Variants in MRTFB observed in about 807,000 individuals in gnomAD.
MRTFB encodes the protein myocardin related transcription factor B.
MRTFB carries 29 observed loss-of-function variants against 104.2 expected under a neutral mutation model. The ratio of observed to expected loss-of-function variants is 0.28; its 90% CI spans 0.21 to 0.38. The LOEUF (loss-of-function observed/expected upper bound fraction) is 0.38, where lower values mean the gene tolerates loss of function less well. Among genes scored for constraint, MRTFB ranks in the 10% least tolerant of loss-of-function variants. The pLI, the probability that MRTFB is intolerant of heterozygous loss-of-function variation, is 1.00. For missense variants in MRTFB, 1,270 were observed against 1,341.6 expected, an observed-to-expected ratio of 0.95 and a Z score of 0.83; for synonymous variants, 535 against 519.5, an observed-to-expected ratio of 1.03 and a Z score of -0.41.
At chr16:14,004,573 T>C in the MRTFB span, among the ~76,000 whole-genome samples, 1 of 152,112 alleles carries the variant, frequency 6.6e-6, no homozygotes, top group African/African-American at 2.4e-5. Context: ...CGGGGCCCCA[T>C]GGGGCTCTGT....
intron 3 of MRTFB, among the ~76,000 whole-genome samples, chr16:14,206,716 A>G (rs1007425395): frequency 1.3e-5 from 2 of 151,798 alleles, no homozygotes; most frequent in Admixed American, 6.6e-5. Context: ...TAGTTTTTAT[A>G]TTTTCAGTGG....
chr16:14,168,111 C>G (rs187331618), intron 3 of MRTFB, among the ~76,000 whole-genome samples: 1 of 151,958 alleles, frequency 6.6e-6, no homozygotes, highest in Admixed American at 6.6e-5. Flanking sequence ...TCATTGTTTG[C>G]TTTTTATCAG....
At chr16:14,112,561 C>G (rs918528645) in intron 2 of MRTFB, among the ~76,000 whole-genome samples, 1 of 152,230 alleles carries the variant, frequency 6.6e-6, no homozygotes, top group African/African-American at 2.4e-5. Context: ...AGGTGAGAGC[C>G]AGGTTTCCCT....
the MRTFB span, among the ~76,000 whole-genome samples, chr16:14,026,711 T>C: frequency 6.6e-6 from 1 of 151,980 alleles, no homozygotes. Context: ...TGGTTGAAAA[T>C]AAGAAATCCA....
the MRTFB span, among the ~76,000 whole-genome samples, chr16:14,016,638 C>T: frequency 1.3e-5 from 2 of 151,678 alleles, no homozygotes; most frequent in East Asian, 1.9e-4. Context: ...CCAGGAGTGG[C>T]GGCGCATGCC....
At position 14,247,016 on chromosome 16, in the gene MRTFB, A is replaced by G; in HGVS notation, c.1756A>G (p.Arg586Gly). Residue 586 changes from arginine to glycine, a missense_variant, in exon 12 of 17, where the codon AGG becomes GGG. This residue lies in a region of MRTFB where 1,144 missense variants were observed against 1,131.5 expected (regional missense o/e 1.01). Coordinates refer to ENST00000571589, the MANE Select transcript of MRTFB (RefSeq NM_001308142.2). ...AGAGAAGCAAATCGAAGAGCTGAAG[A>G]GGAAACTGGAACAAGAGCAGAAGCT... Reference protein sequence around the residue: ...EKEKQIEELKRKLEQEQKLVE... With the variant: ...EKEKQIEELKGKLEQEQKLVE... 6.2e-7 allele frequency: 1 copy of G among 1,614,220 alleles called. No individual in the cohort carries two copies. Among genetic ancestry groups the G allele is most frequent in the Non-Finnish European group, 8.5e-7 (1 of 1,180,052 alleles).
At chr16:14,046,771 G>A in the MRTFB span, among the ~76,000 whole-genome samples, 40 of 152,298 alleles carry the variant, frequency 2.6e-4, no homozygotes, top group African/African-American at 7.5e-4. Flanking sequence ...CAGAGAACAC[G>A]GCTGCAGAAG....
chr16:14,027,362 G>A, the MRTFB span, among the ~76,000 whole-genome samples: 4 of 152,246 alleles, frequency 2.6e-5, no homozygotes, highest in Non-Finnish European at 5.9e-5. Context: ...ATTGATGGTC[G>A]CCAGGGGTTA....
chr16:14,034,095 C>A, the MRTFB span, among the ~76,000 whole-genome samples: 2 of 152,150 alleles, frequency 1.3e-5, no homozygotes, highest in South Asian at 4.1e-4. Flanking sequence ...AGGCCCCAGG[C>A]CTTGCTGCTG....
intron 2 of MRTFB, among the ~76,000 whole-genome samples, chr16:14,117,896 C>G (rs1337597242): frequency 6.6e-6 from 1 of 152,094 alleles, no homozygotes; most frequent in Non-Finnish European, 1.5e-5. Flanking sequence ...CAGCCTCTTC[C>G]CCCTTTTTCT....
At chr16:14,032,149 G>A in the MRTFB span, among the ~76,000 whole-genome samples, 1 of 152,190 alleles carries the variant, frequency 6.6e-6, no homozygotes, top group Non-Finnish European at 1.5e-5. Flanking sequence ...AGGAGACAGC[G>A]TCAGGATGGG....
the MRTFB span, among the ~76,000 whole-genome samples, chr16:14,036,296 T>TATATATATATA: frequency 5.1e-5 from 5 of 98,314 alleles, no homozygotes; most frequent in East Asian, 9.5e-4. Flanking sequence ...TTATATATAT[T>TATATATATATA]TATATATATA....
chr16:13,999,142 A>T, the MRTFB span, among the ~76,000 whole-genome samples: 1 of 150,752 alleles, frequency 6.6e-6, no homozygotes, highest in Non-Finnish European at 1.5e-5. Flanking sequence ...GTGAGCTGAG[A>T]TCTCGTCACT....
chr16:14,140,879 A>T, intron 3 of MRTFB, 119 bp downstream of exon 3: 4 of 1,081,654 alleles, frequency 3.7e-6, no homozygotes, highest in Non-Finnish European at 5.4e-6. Context: ...ATGGAGGAGA[A>T]CCCTGTAGAG....
chr16:14,160,240 T>A (rs1441875564), intron 3 of MRTFB, among the ~76,000 whole-genome samples: 1 of 152,190 alleles, frequency 6.6e-6, no homozygotes, highest in Non-Finnish European at 1.5e-5. Context: ...TTAAAAATTT[T>A]TTTTCATGAC....
intron 2 of MRTFB, among the ~76,000 whole-genome samples, chr16:14,113,424 G>A (rs1278486017): frequency 6.6e-6 from 1 of 152,230 alleles, no homozygotes; most frequent in Non-Finnish European, 1.5e-5. Flanking sequence ...AATATGAGTT[G>A]AATGTAGAAT....
the MRTFB span, among the ~76,000 whole-genome samples, chr16:14,014,614 G>A: frequency 2.0e-5 from 3 of 152,124 alleles, no homozygotes; most frequent in African/African-American, 7.2e-5. Context: ...AGCACTTTGG[G>A]AGGCCAAGAC....
intron 2 of MRTFB, among the ~76,000 whole-genome samples, chr16:14,107,795 A>C (rs1357166275): frequency 1.3e-5 from 2 of 152,224 alleles, no homozygotes; most frequent in Non-Finnish European, 2.9e-5. Context: ...GCTGGAGAGG[A>C]GGATACAGGG....
chr16:14,246,376 G>A, intron 11 of MRTFB, 97 bp from the exon 12 acceptor site: 17 of 1,214,252 alleles, frequency 1.4e-5, no homozygotes, highest in Non-Finnish European at 1.9e-5. Context: ...ACGCAGAGTT[G>A]TCTGACAGAC....
Sources: gnomAD v4.1 joint callset for allele counts (sites outside exome capture counted in the v4.1 genomes callset) on GRCh38, gnomAD v4.1.1 for gene constraint, gnomAD v4.1.1 regional missense constraint, MANE v1.5 for transcripts, NCBI Gene and HGNC (gene_info 2026-07-23, HGNC 2026-07-21) for gene names.